SCHIP1: variants seen among roughly 807,000 people sequenced by gnomAD.
The protein encoded by SCHIP1 is schwannomin-interacting protein 1.
A neutral mutation model predicts 29.7 loss-of-function variants in SCHIP1; 8 were observed. The observed-to-expected ratio is 0.27, with a 90% confidence interval of 0.16 to 0.49. The LOEUF is 0.49. Among genes scored for constraint, SCHIP1 ranks in the 20% least tolerant of loss-of-function variants. The pLI is 0.99. For synonymous variants in SCHIP1, 76 were observed against 94.9 expected (o/e 0.80, Z 1.16); for missense variants, 193 against 294.6 (o/e 0.66, Z 2.52).
At chr3:159,608,475 G>C in the SCHIP1 span, among the ~76,000 whole-genome samples, 6 of 152,166 alleles carry the variant, frequency 3.9e-5, no homozygotes, top group East Asian at 9.6e-4. Context: ...CTGTCCGTCT[G>C]TTCCCTTTTA....
chr3:159,843,287 A>G (rs1744447348), intron 1 of SCHIP1, among the ~76,000 whole-genome samples: 1 of 151,836 alleles, frequency 6.6e-6, no homozygotes, highest in South Asian at 2.1e-4. Context: ...TGCTGGGATT[A>G]CAGGCATGAG....
the SCHIP1 span, among the ~76,000 whole-genome samples, chr3:159,316,107 C>T: frequency 1.3e-5 from 2 of 151,986 alleles, no homozygotes; most frequent in Middle Eastern, 3.4e-3. Context: ...GATCAGGTAC[C>T]TAGATGGTAG....
the SCHIP1 span, among the ~76,000 whole-genome samples, chr3:159,644,912 A>T: frequency 6.6e-6 from 1 of 151,954 alleles, no homozygotes; most frequent in African/African-American, 2.4e-5. Context: ...AGGATCTAAC[A>T]CTCTCGTTTG....
At chr3:159,782,156 A>G in the SCHIP1 span, among the ~76,000 whole-genome samples, 1 of 152,216 alleles carries the variant, frequency 6.6e-6, no homozygotes, top group African/African-American at 2.4e-5. Flanking sequence ...CTGAAAGACC[A>G]AAAAGGGAGA....
chr3:159,753,933 C>T, the SCHIP1 span, among the ~76,000 whole-genome samples: 1 of 152,162 alleles, frequency 6.6e-6, no homozygotes, highest in Non-Finnish European at 1.5e-5. Flanking sequence ...TTCCTGATAC[C>T]TCCCCCAGTG....
the SCHIP1 span, among the ~76,000 whole-genome samples, chr3:159,326,865 T>C: frequency 6.6e-6 from 1 of 152,152 alleles, no homozygotes; most frequent in African/African-American, 2.4e-5. Context: ...ATAAACCCAA[T>C]TGTATTAGGC....
chr3:159,795,978 T>A, the SCHIP1 span, among the ~76,000 whole-genome samples: 3 of 152,170 alleles, frequency 2.0e-5, no homozygotes, highest in Non-Finnish European at 4.4e-5. Flanking sequence ...ATCACTGAGG[T>A]TAGAGTTTGG....
chr3:159,496,990 CA>C, the SCHIP1 span, among the ~76,000 whole-genome samples: 1 of 152,272 alleles, frequency 6.6e-6, no homozygotes, highest in African/African-American at 2.4e-5. Context: ...TCATTCTCAG[CA>C]AACTGTCGCA....
chr3:159,402,014 T>G, the SCHIP1 span, among the ~76,000 whole-genome samples: 14 of 151,492 alleles, frequency 9.2e-5, no homozygotes, highest in African/African-American at 3.4e-4. Flanking sequence ...TGGGAGAAAA[T>G]TTTTGCAACC....
At chr3:159,765,970 T>A in the SCHIP1 span, among the ~76,000 whole-genome samples, 1 of 152,190 alleles carries the variant, frequency 6.6e-6, no homozygotes. Flanking sequence ...TAAGAAGCAC[T>A]GGCAGGTTCA....
chr3:159,492,841 C>G, the SCHIP1 span, among the ~76,000 whole-genome samples: 1 of 152,140 alleles, frequency 6.6e-6, no homozygotes, highest in East Asian at 1.9e-4. Context: ...ATGTTAAGGG[C>G]AGCCAGAGAG....
At chr3:159,597,241 T>C in the SCHIP1 span, among the ~76,000 whole-genome samples, 7 of 152,180 alleles carry the variant, frequency 4.6e-5, no homozygotes. Context: ...TGTACAAACT[T>C]ATGGGGTACA....
At chr3:159,599,216 G>T in the SCHIP1 span, among the ~76,000 whole-genome samples, 1 of 152,058 alleles carries the variant, frequency 6.6e-6, no homozygotes, top group Non-Finnish European at 1.5e-5. Flanking sequence ...GTGAGGCTTT[G>T]TTTCTTTAAT....
the SCHIP1 span, among the ~76,000 whole-genome samples, chr3:159,453,383 C>T: frequency 8.6e-4 from 131 of 152,298 alleles, no homozygotes; most frequent in African/African-American, 2.8e-3. Context: ...CTGCCTAAAG[C>T]TCAGGGAGTG....
the SCHIP1 span, among the ~76,000 whole-genome samples, chr3:159,369,750 T>C: frequency 6.6e-6 from 1 of 152,126 alleles, no homozygotes; most frequent in Non-Finnish European, 1.5e-5. Flanking sequence ...GTCTGAACAA[T>C]GACAGACACA....
At chr3:159,290,782 A>T in the SCHIP1 span, among the ~76,000 whole-genome samples, 2 of 152,252 alleles carry the variant, frequency 1.3e-5, no homozygotes, top group African/African-American at 4.8e-5. Flanking sequence ...CTTATTTTAC[A>T]GTGTTTTAAT....
At chr3:159,339,093 A>G in the SCHIP1 span, among the ~76,000 whole-genome samples, 20 of 152,182 alleles carry the variant, frequency 1.3e-4, no homozygotes, top group South Asian at 4.2e-3. Context: ...CAGCAGACTG[A>G]TGAAACAACC....
chr3:159,642,599 C>T, the SCHIP1 span, among the ~76,000 whole-genome samples: 1,192 of 152,198 alleles, frequency 7.8e-3, 21 homozygotes, highest in African/African-American at 0.027. Flanking sequence ...GAAGGCACTG[C>T]CAGACCACCT....
At chr3:159,510,969 G>C in the SCHIP1 span, among the ~76,000 whole-genome samples, 1 of 152,168 alleles carries the variant, frequency 6.6e-6, no homozygotes, top group Non-Finnish European at 1.5e-5. Flanking sequence ...ACTCCGTGCT[G>C]GGAGAACCAC....
Sources: gnomAD v4.1 joint callset for allele counts (sites outside exome capture counted in the v4.1 genomes callset) on GRCh38, gnomAD v4.1.1 for gene constraint, MANE v1.5 for transcripts, NCBI Gene and HGNC (gene_info 2026-07-23, HGNC 2026-07-21) for gene names.